Variants in RGS6 observed in about 807,000 individuals in gnomAD.
RGS6 encodes the protein regulator of G protein signaling 6, also known as regulator of G-protein signaling 6.
Under a neutral mutation model 78.5 loss-of-function variants are expected in RGS6, and 30 were observed. The observed-to-expected ratio is 0.38, with a 90% CI of 0.29 to 0.52. The LOEUF is 0.52. RGS6 is among the 20% of genes least tolerant of loss of function. The pLI, the probability that RGS6 is intolerant of heterozygous loss-of-function variation, is 0.85. For synonymous variants in RGS6, 206 were observed against 206.0 expected, an observed-to-expected ratio of 1.00 and a Z score of 0.00; for missense variants, 495 against 609.7, an observed-to-expected ratio of 0.81 and a Z score of 1.98.
At chr14:72,340,894 T>A (rs939496898) in intron 2 of RGS6, among the ~76,000 whole-genome samples, 1 of 152,188 alleles carries the variant, frequency 6.6e-6, no homozygotes, top group Non-Finnish European at 1.5e-5. Flanking sequence ...CAGAAAGTTA[T>A]GTTCCAGAGG....
intron 3 of RGS6, among the ~76,000 whole-genome samples, chr14:72,390,028 T>A (rs2089499150): frequency 7.0e-6 from 1 of 143,840 alleles, no homozygotes; most frequent in Admixed American, 6.9e-5. Flanking sequence ...CCTTAAAAAA[T>A]AAACGGTTCT....
intron 14 of RGS6, among the ~76,000 whole-genome samples, chr14:72,517,824 A>G (rs1567035479): frequency 6.6e-6 from 1 of 152,150 alleles, no homozygotes; most frequent in African/African-American, 2.4e-5. Flanking sequence ...TCCCAACTAG[A>G]TTTGACAAAG....
chr14:71,883,113 G>GT, the RGS6 span, among the ~76,000 whole-genome samples: 1 of 152,182 alleles, frequency 6.6e-6, no homozygotes, highest in Non-Finnish European at 1.5e-5. Context: ...GGAATTTCAG[G>GT]TTTTTTAAAT....
chr14:72,282,448 C>T (rs1194192098), intron 2 of RGS6, among the ~76,000 whole-genome samples: 2 of 152,140 alleles, frequency 1.3e-5, no homozygotes, highest in African/African-American at 4.8e-5. Flanking sequence ...GTTTCCAAGT[C>T]TATAGCATCC....
intron 2 of RGS6, among the ~76,000 whole-genome samples, chr14:72,333,114 C>T (rs1270619547): frequency 4.6e-5 from 7 of 152,346 alleles, no homozygotes; most frequent in Non-Finnish European, 8.8e-5. Context: ...GACTCCACCC[C>T]ACTGTGGGTT....
chr14:71,985,512 AT>A (rs2094669550), intron 2 of RGS6, among the ~76,000 whole-genome samples: 1 of 152,222 alleles, frequency 6.6e-6, no homozygotes, highest in African/African-American at 2.4e-5. Context: ...AAATTAAAAA[AT>A]TCCTAGGTCA....
At chr14:72,205,116 A>T (rs1019923856) in intron 2 of RGS6, among the ~76,000 whole-genome samples, 18 of 152,168 alleles carry the variant, frequency 1.2e-4, no homozygotes, top group Admixed American at 5.9e-4. Flanking sequence ...TACAATCTTT[A>T]TGGGGAGCAG....
At chr14:72,258,723 G>A (rs2057552902) in intron 2 of RGS6, among the ~76,000 whole-genome samples, 1 of 152,304 alleles carries the variant, frequency 6.6e-6, no homozygotes, top group South Asian at 2.1e-4. Flanking sequence ...GTTTCACAGG[G>A]CTTGTTGTGA....
chr14:72,300,099 T>C (rs567505718), intron 2 of RGS6, among the ~76,000 whole-genome samples: 2 of 152,326 alleles, frequency 1.3e-5, no homozygotes, highest in South Asian at 4.1e-4. Context: ...ACTAGCTTTT[T>C]CTAGCATATG....
At chr14:72,308,192 G>A (rs943566122) in intron 2 of RGS6, among the ~76,000 whole-genome samples, 1 of 152,100 alleles carries the variant, frequency 6.6e-6, no homozygotes. Flanking sequence ...CCTTCAGAAC[G>A]ATGCTGAGTA....
At chr14:71,982,915 G>T (rs2094531750) in intron 2 of RGS6, among the ~76,000 whole-genome samples, 1 of 152,148 alleles carries the variant, frequency 6.6e-6, no homozygotes, top group South Asian at 2.1e-4. Context: ...CAGAACATTG[G>T]CCTTGAGAGA....
chr14:72,201,713 C>G (rs1185117551), intron 2 of RGS6, among the ~76,000 whole-genome samples: 1 of 152,166 alleles, frequency 6.6e-6, no homozygotes, highest in African/African-American at 2.4e-5. Context: ...TAGAGGATGG[C>G]AAACTCCAGC....
the RGS6 span, among the ~76,000 whole-genome samples, chr14:72,628,715 C>CAGAG: frequency 0.049 from 7,379 of 151,962 alleles, 375 homozygotes; most frequent in East Asian, 0.14. Flanking sequence ...GAAAAAGAGA[C>CAGAG]AGACAATCTG....
intron 1 of RGS6, among the ~76,000 whole-genome samples, chr14:71,935,562 T>C (rs2152932573): frequency 6.6e-6 from 1 of 152,312 alleles, no homozygotes; most frequent in Middle Eastern, 3.4e-3. Flanking sequence ...GGTTCTTTCT[T>C]TTTCTGTTCT....
chr14:72,288,924 C>T (rs371137316), intron 2 of RGS6, among the ~76,000 whole-genome samples: 3 of 152,178 alleles, frequency 2.0e-5, no homozygotes, highest in African/African-American at 7.2e-5. Context: ...GTAAGGTTCA[C>T]TTGGCCTGGA....
chr14:72,298,727 C>T (rs547703384), intron 2 of RGS6, among the ~76,000 whole-genome samples: 50 of 152,252 alleles, frequency 3.3e-4, no homozygotes, highest in Admixed American at 2.9e-3. Context: ...GGATTACAGG[C>T]GTGAGCCACT....
chr14:72,416,739 C>G (rs1399033359), intron 3 of RGS6, among the ~76,000 whole-genome samples: 2 of 152,180 alleles, frequency 1.3e-5, no homozygotes, highest in Non-Finnish European at 2.9e-5. Flanking sequence ...AAGAACCTGT[C>G]TCTCTGAGCT....
At chr14:72,094,910 G>A (rs1039919978) in intron 2 of RGS6, among the ~76,000 whole-genome samples, 4 of 152,076 alleles carry the variant, frequency 2.6e-5, no homozygotes, top group African/African-American at 9.7e-5. Flanking sequence ...AACAAGCAAG[G>A]GGGGAGAAAC....
chr14:72,200,096 T>C (rs2041143871), intron 2 of RGS6, among the ~76,000 whole-genome samples: 1 of 152,202 alleles, frequency 6.6e-6, no homozygotes, highest in Admixed American at 6.5e-5. Context: ...AATTAATCTG[T>C]CCTATTGGGA....
Sources: gnomAD v4.1 joint callset for allele counts (sites outside exome capture counted in the v4.1 genomes callset) on GRCh38, gnomAD v4.1.1 for gene constraint, MANE v1.5 for transcripts, NCBI Gene and HGNC (gene_info 2026-07-23, HGNC 2026-07-21) for gene names.